The following BMPR1A variants were observed in gnomAD, a reference collection of about 807,000 sequenced individuals.
BMPR1A encodes the protein bone morphogenetic protein receptor type 1A.
A neutral mutation model predicts 66.0 loss-of-function variants in BMPR1A; 7 were observed. The observed-to-expected ratio is 0.11, with a 90% CI of 0.06 to 0.20. BMPR1A has a LOEUF of 0.20. Ranked by LOEUF, BMPR1A falls within the 10% of genes least tolerant of loss-of-function variation. The pLI is 1.00. For synonymous variants in BMPR1A, 200 were observed against 229.7 expected (o/e 0.87, Z 1.17); for missense variants, 408 against 669.1 (o/e 0.61, Z 4.31).
chr10:86,914,918 C>A (rs1356894115), intron 8 of BMPR1A, among the ~76,000 whole-genome samples: 1 of 152,146 alleles, frequency 6.6e-6, no homozygotes, highest in East Asian at 1.9e-4. Flanking sequence ...ATGTTTATAG[C>A]AGTTTTATTT....
chr10:86,769,550 A>G (rs1436648124), intron 1 of BMPR1A, among the ~76,000 whole-genome samples: 4 of 152,242 alleles, frequency 2.6e-5, no homozygotes, highest in Non-Finnish European at 5.9e-5. Context: ...CCTAGGCATT[A>G]GTGGCCAGAA....
In BMPR1A at chr10:86,762,596, T is replaced by C. The variant is rs7096388; in HGVS notation, c.-268+5677T>C. The stretch of plus-strand genomic sequence containing the variant: ...GCTGGTCTCAACTCCTGACCTCAGG[T>C]GATCCTTCCGCCTTGGCCTCCCAAA... On this transcript the variant is annotated intron_variant, in intron 1 of 12. Transcript: ENST00000372037. Among the ~76,000 whole-genome samples, 83,276 of 152,052 alleles carry C rather than the reference T, an allele frequency of 0.55. 24,564 individuals are homozygous for C. Among genetic ancestry groups the C allele is most frequent in the African/African-American group, 0.76 (31,518 of 41,476 alleles).
chr10:86,849,712 T>C (rs1461756346), intron 2 of BMPR1A, among the ~76,000 whole-genome samples: 1 of 152,222 alleles, frequency 6.6e-6, no homozygotes, highest in African/African-American at 2.4e-5. Context: ...ACATAGAGAC[T>C]TTCATGATTG....
chr10:86,907,623 A>G (rs1459645008), intron 7 of BMPR1A, among the ~76,000 whole-genome samples: 1 of 152,256 alleles, frequency 6.6e-6, no homozygotes, highest in Non-Finnish European at 1.5e-5. Flanking sequence ...ATACAGTGGA[A>G]TATTACTCAA....
chr10:86,760,236 CTTTCTTTCTTTCT>C (rs1841025405), intron 1 of BMPR1A, among the ~76,000 whole-genome samples: 1 of 20,064 alleles, frequency 5.0e-5, no homozygotes, highest in Non-Finnish European at 8.8e-5. Context: ...TTCTTTCTTT[CTTTCTTTCTTTCT>C]TTTTTTTTTT....
intron 1 of BMPR1A, among the ~76,000 whole-genome samples, chr10:86,837,860 C>G (rs1589739969): frequency 1.3e-5 from 2 of 152,188 alleles, no homozygotes; most frequent in African/African-American, 4.8e-5. Context: ...AGCGGAGACT[C>G]TTGTCTTTAA....
At chr10:86,820,387 T>C (rs901645821) in intron 1 of BMPR1A, among the ~76,000 whole-genome samples, 11 of 151,954 alleles carry the variant, frequency 7.2e-5, no homozygotes, top group African/African-American at 2.4e-4. Context: ...TTTTTTTTTT[T>C]CTTAGAGAAG....
chr10:86,810,972 C>T (rs1841961917), intron 1 of BMPR1A, among the ~76,000 whole-genome samples: 1 of 152,158 alleles, frequency 6.6e-6, no homozygotes, highest in Non-Finnish European at 1.5e-5. Context: ...GTCTTAAACT[C>T]CTGATCTCAG....
intron 1 of BMPR1A, among the ~76,000 whole-genome samples, chr10:86,757,285 C>G (rs917086360): frequency 6.6e-6 from 1 of 152,104 alleles, no homozygotes; most frequent in Non-Finnish European, 1.5e-5. Context: ...TGATTTGGCT[C>G]CGGACGCTGT....
chr10:86,908,886 TCTC>T (rs1273450903), intron 7 of BMPR1A, among the ~76,000 whole-genome samples: 1 of 152,150 alleles, frequency 6.6e-6, no homozygotes, highest in Non-Finnish European at 1.5e-5. Flanking sequence ...GGTGTCATCT[TCTC>T]CTCTTCCTCA....
chr10:86,912,393 A>G lies in BMPR1A; in HGVS notation c.675+9A>G, dbSNP rs1243072177. The G allele has an allele frequency of 1.2e-6, 2 of 1,613,958 alleles. No individual in the cohort carries two copies. Among genetic ancestry groups the G allele is most frequent in the South Asian group, 2.2e-5 (2 of 91,078 alleles). On this transcript the variant is annotated intron_variant, in intron 8 of 12. Transcript: ENST00000372037. ...CTGGACTACCTTTATTGGTAAGTTAAACGTTCCTATAGACATGAATGGTGT... is the reference window on the plus strand; with the variant it reads ...CTGGACTACCTTTATTGGTAAGTTAGACGTTCCTATAGACATGAATGGTGT...
intron 5 of BMPR1A, among the ~76,000 whole-genome samples, chr10:86,893,256 G>A (rs1843178831): frequency 6.6e-6 from 1 of 152,050 alleles, no homozygotes; most frequent in Non-Finnish European, 1.5e-5. Context: ...AAAATGTTAA[G>A]GCCTTGTAAG....
intron 1 of BMPR1A, among the ~76,000 whole-genome samples, chr10:86,798,971 T>C (rs974203255): frequency 1.3e-5 from 2 of 152,212 alleles, no homozygotes; most frequent in African/African-American, 4.8e-5. Context: ...CAAGACTTTG[T>C]TTTTAGAGAT....
chr10:86,771,383 A>G (rs112569535), intron 1 of BMPR1A, among the ~76,000 whole-genome samples: 1 of 152,224 alleles, frequency 6.6e-6, no homozygotes, highest in Non-Finnish European at 1.5e-5. Flanking sequence ...AATAAAATAT[A>G]AGATTGAGAT....
At chr10:86,920,908 T>G (rs1157214329) in intron 10 of BMPR1A, among the ~76,000 whole-genome samples, 1 of 146,972 alleles carries the variant, frequency 6.8e-6, no homozygotes, top group Non-Finnish European at 1.5e-5. Flanking sequence ...CAGGCTGGAG[T>G]GCAGTGGCAT....
intron 11 of BMPR1A, among the ~76,000 whole-genome samples, chr10:86,922,201 A>G (rs1467591440): frequency 6.6e-6 from 1 of 152,154 alleles, no homozygotes; most frequent in Non-Finnish European, 1.5e-5. Context: ...TATGACATCC[A>G]GTTCCTCCAT....
chr10:86,911,664 C>T (rs902145470), intron 7 of BMPR1A, among the ~76,000 whole-genome samples: 11 of 152,082 alleles, frequency 7.2e-5, no homozygotes, highest in African/African-American at 2.2e-4. Context: ...GTGGGAGGAT[C>T]GCTTGAGCCT....
At chr10:86,928,358 A>C (rs1426705788), downstream of BMPR1A, 3 of 149,598 alleles carry the variant, frequency 2.0e-5, no homozygotes, top group Non-Finnish European at 4.4e-5. Context: ...GAATAGCTGG[A>C]ACTACAGGTG....
At chr10:86,806,414 C>T (rs900218818) in intron 1 of BMPR1A, among the ~76,000 whole-genome samples, 1 of 152,118 alleles carries the variant, frequency 6.6e-6, no homozygotes, top group Non-Finnish European at 1.5e-5. Context: ...GTGATTTTTC[C>T]ACTTTCATCA....
Sources: allele counts gnomAD v4.1 joint callset (sites outside exome capture counted in the v4.1 genomes callset), GRCh38; gene constraint gnomAD v4.1.1; transcripts MANE v1.5; gene names NCBI Gene and HGNC (gene_info 2026-07-23, HGNC 2026-07-21).